Variants in IQCJ observed in about 807,000 individuals in gnomAD.
IQCJ encodes IQ motif containing J.
A neutral mutation model predicts 11.0 loss-of-function variants in IQCJ; 9 were observed. That is an observed-to-expected ratio of 0.82 (90% CI 0.49 to 1.43). IQCJ has a LOEUF of 1.43. Among genes scored for constraint, IQCJ ranks in the 40% most tolerant of loss-of-function variants. IQCJ has a pLI of 0.00. For missense variants in IQCJ, 146 were observed against 133.2 expected (o/e 1.10, Z -0.47); for synonymous variants, 55 against 51.3 (o/e 1.07, Z -0.31).
intron 1 of IQCJ, among the ~76,000 whole-genome samples, chr3:159,095,187 A>T (rs2108091254): frequency 6.6e-6 from 1 of 151,968 alleles, no homozygotes; most frequent in South Asian, 2.1e-4. Context: ...TGGCAAACCG[A>T]CCATTAAGCT....
chr3:159,229,000 G>A (rs1187433419), intron 1 of IQCJ, among the ~76,000 whole-genome samples: 10 of 152,196 alleles, frequency 6.6e-5, no homozygotes, highest in African/African-American at 9.7e-5. Context: ...ATTATAATAT[G>A]CAGGGGGTAA....
Position 159,238,175 on chromosome 3 carries a change from A to G in IQCJ, c.10-7668A>G, listed in dbSNP as rs574524082. 3.3e-5 allele frequency among the ~76,000 whole-genome samples: 5 copies of G among 152,300 alleles called. No homozygotes were observed. The South Asian group carries it at 8.3e-4, about 25-fold the overall frequency. ...TGGGAAAGGCCACTCTATGGAAACT[A>G]TGGCCATTAGTTATGTCCAACCGTG... is the stretch of plus-strand genomic sequence containing the variant. On this transcript the variant is annotated intron_variant, in intron 1 of 3. Transcript: ENST00000397832.
intron 1 of IQCJ, among the ~76,000 whole-genome samples, chr3:159,113,573 A>G (rs1718767771): frequency 6.6e-6 from 1 of 152,252 alleles, no homozygotes; most frequent in Admixed American, 6.5e-5. Context: ...TTAATAAGCA[A>G]TACTGAGTTC....
chr3:159,086,245 C>G (rs779989520), intron 1 of IQCJ, among the ~76,000 whole-genome samples: 61 of 152,092 alleles, frequency 4.0e-4, no homozygotes, highest in Non-Finnish European at 7.3e-4. Flanking sequence ...GTCGTTATTT[C>G]TGAGGGCTCT....
chr3:159,213,520 G>C (rs1447142203), intron 1 of IQCJ, among the ~76,000 whole-genome samples: 1 of 152,132 alleles, frequency 6.6e-6, no homozygotes, highest in African/African-American at 2.4e-5. Context: ...GCAAAGTACT[G>C]TATAAAGAAC....
At chr3:159,175,923 AC>A (rs2108003457) in intron 1 of IQCJ, among the ~76,000 whole-genome samples, 1 of 152,304 alleles carries the variant, frequency 6.6e-6, no homozygotes, top group African/African-American at 2.4e-5. Context: ...TTACATTCCT[AC>A]CATCAATGTA....
At chr3:159,082,312 G>C (rs1716369126) in intron 1 of IQCJ, among the ~76,000 whole-genome samples, 1 of 151,254 alleles carries the variant, frequency 6.6e-6, no homozygotes, top group African/African-American at 2.4e-5. Flanking sequence ...TTGCTTTACA[G>C]GTATTAACTC....
intron 1 of IQCJ, among the ~76,000 whole-genome samples, chr3:159,137,197 G>T (rs187762742): frequency 1.8e-4 from 27 of 151,886 alleles, no homozygotes; most frequent in African/African-American, 6.5e-4. Flanking sequence ...GGGAGGCGGA[G>T]GTTTCAGTGA....
rs187028629 is a variant in IQCJ at position 159,127,458 on chromosome 3, C to A, written c.9+58017C>A. On this transcript the variant is annotated intron_variant, in intron 1 of 3. Coordinates refer to ENST00000397832, the MANE Select transcript of IQCJ (RefSeq NM_001042706.3). ...GAAATGCTTATAATGTATCCTGGTA[C>A]AAAGTAAGAGCTCAGGAAACTCTAG... Among the ~76,000 whole-genome samples the A allele has an allele frequency of 3.5e-4, 54 of 152,266 alleles. No homozygotes were observed. In the South Asian group the frequency reaches 6.4e-3, roughly 18 times the overall value.
At chr3:159,217,914 T>G (rs1430727935) in intron 1 of IQCJ, among the ~76,000 whole-genome samples, 1 of 152,142 alleles carries the variant, frequency 6.6e-6, no homozygotes, top group Non-Finnish European at 1.5e-5. Flanking sequence ...CCTATTTTCT[T>G]ACCTGAATCT....
intron 1 of IQCJ, among the ~76,000 whole-genome samples, chr3:159,132,499 T>C (rs990025418): frequency 6.6e-6 from 1 of 152,180 alleles, no homozygotes; most frequent in Admixed American, 6.5e-5. Context: ...AGGAGAAAGA[T>C]GGGTGAGTAA....
chr3:159,085,692 G>A (rs919848064), intron 1 of IQCJ, among the ~76,000 whole-genome samples: 1 of 151,130 alleles, frequency 6.6e-6, no homozygotes, highest in African/African-American at 2.4e-5. Context: ...TTTTTCATGT[G>A]TTTTTTGGCT....
At chr3:159,242,095 C>A (rs951856790) in intron 1 of IQCJ, among the ~76,000 whole-genome samples, 1 of 152,100 alleles carries the variant, frequency 6.6e-6, no homozygotes, top group Non-Finnish European at 1.5e-5. Context: ...TAAAAGGGAG[C>A]AACCGTGGCT....
At chr3:159,115,836 A>G (rs1309667558) in intron 1 of IQCJ, among the ~76,000 whole-genome samples, 1 of 152,062 alleles carries the variant, frequency 6.6e-6, no homozygotes, top group Non-Finnish European at 1.5e-5. Context: ...ACATGTTCTC[A>G]CTCATAAGTG....
chr3:159,244,706 G>A (rs1727143446), intron 1 of IQCJ, among the ~76,000 whole-genome samples: 1 of 152,180 alleles, frequency 6.6e-6, no homozygotes, highest in Non-Finnish European at 1.5e-5. Flanking sequence ...TGGGTGATTA[G>A]GCCACATTCT....
chr3:159,115,816 A>G (rs1261130988), intron 1 of IQCJ, among the ~76,000 whole-genome samples: 2 of 152,106 alleles, frequency 1.3e-5, no homozygotes, highest in Non-Finnish European at 2.9e-5. Context: ...AAAACAGAAA[A>G]CCAAACACCA....
intron 1 of IQCJ, among the ~76,000 whole-genome samples, chr3:159,216,076 G>A (rs540656551): frequency 1.6e-4 from 20 of 124,592 alleles, no homozygotes; most frequent in South Asian, 1.1e-3. Context: ...AAAAGAAAGC[G>A]TGTGTGTGTG....
At chr3:159,155,179 A>G (rs1450923726) in intron 1 of IQCJ, among the ~76,000 whole-genome samples, 1 of 152,088 alleles carries the variant, frequency 6.6e-6, no homozygotes, top group Non-Finnish European at 1.5e-5. Context: ...TTTATTTGAG[A>G]CAGAGTTTTG....
intron 1 of IQCJ, among the ~76,000 whole-genome samples, chr3:159,189,829 G>A (rs1723581976): frequency 6.6e-6 from 1 of 152,168 alleles, no homozygotes; most frequent in Non-Finnish European, 1.5e-5. Flanking sequence ...CTCCTGTGAA[G>A]CAGGCAAACC....
Sources: allele counts gnomAD v4.1 joint callset (sites outside exome capture counted in the v4.1 genomes callset), GRCh38; gene constraint gnomAD v4.1.1; transcripts MANE v1.5; gene names NCBI Gene and HGNC (gene_info 2026-07-23, HGNC 2026-07-21).